DNAAF6: variants seen among roughly 807,000 people sequenced by gnomAD.
The protein encoded by DNAAF6 is PIH1 domain containing 3.
In DNAAF6, 3 loss-of-function variants were observed where a neutral mutation model predicts 13.7. That is an observed-to-expected ratio of 0.22 (90% CI 0.10 to 0.56). DNAAF6 has a LOEUF of 0.56. Among genes scored for constraint, DNAAF6 ranks in the 20% least tolerant of loss-of-function variants. DNAAF6 has a pLI of 0.92. For synonymous variants in DNAAF6, 54 were observed against 49.2 expected (o/e 1.10, Z -0.41); for missense variants, 130 against 151.0 (o/e 0.86, Z 0.73).
chrX:107,226,975 C>T (rs929843111), intron 5 of DNAAF6, among the ~76,000 whole-genome samples: 1 of 112,110 alleles, frequency 8.9e-6, no homozygotes. Flanking sequence ...ACATATTTAT[C>T]TCAGAAAGTG....
At chrX:107,232,733 T>TTTG (rs1013522065) in intron 5 of DNAAF6, among the ~76,000 whole-genome samples, 30 of 109,729 alleles carry the variant, frequency 2.7e-4, no homozygotes, top group Middle Eastern at 4.7e-3. Context: ...TAGAAAGGGT[T>TTTG]TTGTTGTTGT....
intron 5 of DNAAF6, among the ~76,000 whole-genome samples, chrX:107,230,464 C>T (rs1037522784): frequency 2.7e-5 from 3 of 111,455 alleles, no homozygotes; most frequent in African/African-American, 9.8e-5. Context: ...GGGTGGATCA[C>T]CTGAGATCAG....
At chrX:107,222,152 A>T (rs1928160478) in intron 4 of DNAAF6, among the ~76,000 whole-genome samples, 1 of 111,038 alleles carries the variant, frequency 9.0e-6, no homozygotes, top group Non-Finnish European at 1.9e-5. Context: ...AGCTGTGCTG[A>T]CTACATTACC....
chrX:107,222,998 A>C (rs1423534060), intron 5 of DNAAF6, among the ~76,000 whole-genome samples, 157 bp downstream of exon 5: 4 of 112,303 alleles, frequency 3.6e-5, no homozygotes. Context: ...AGACAGTTTA[A>C]AATTGTTAAC....
chrX:107,218,992 T>C (rs764256526), intron 4 of DNAAF6, 23 bp downstream of exon 4: 26 of 1,151,886 alleles, frequency 2.3e-5, no homozygotes, highest in African/African-American at 3.7e-5. Flanking sequence ...AAGCCAGGAA[T>C]GTCTTTAGGA....
chrX:107,214,465 C>A (rs1927930261), intron 2 of DNAAF6, among the ~76,000 whole-genome samples: 1 of 111,346 alleles, frequency 9.0e-6, no homozygotes, highest in African/African-American at 3.3e-5. Context: ...GAGCCTATTC[C>A]ATTTGGTGTT....
intron 5 of DNAAF6, among the ~76,000 whole-genome samples, chrX:107,225,074 C>T (rs1419466120): frequency 9.3e-6 from 1 of 108,083 alleles, no homozygotes; most frequent in African/African-American, 3.3e-5. Flanking sequence ...GGTATCCAGG[C>T]ATGAAATAGC....
chrX:107,236,349 G>A (rs991138932), intron 5 of DNAAF6, among the ~76,000 whole-genome samples: 32 of 112,015 alleles, frequency 2.9e-4, no homozygotes, highest in Admixed American at 2.5e-3. Flanking sequence ...TTTGGTCAGT[G>A]ACATCATCCT....
intron 5 of DNAAF6, among the ~76,000 whole-genome samples, chrX:107,225,619 T>A (rs957697044): frequency 9.0e-6 from 1 of 110,934 alleles, no homozygotes; most frequent in Non-Finnish European, 1.9e-5. Flanking sequence ...GCAATAGGAG[T>A]ACAATCTGTT....
chrX:107,243,484 C>T lies in DNAAF6; in HGVS notation c.*186C>T. On this transcript the variant is annotated 3_prime_UTR_variant, in exon 7 of 7. Transcript: ENST00000372453. ...TATTACTCTGTTAGGAAATATGTTTCCTTGGCCAGGTGCAATGGCTCATGC... is the reference window on the plus strand; with the variant it reads ...TATTACTCTGTTAGGAAATATGTTTTCTTGGCCAGGTGCAATGGCTCATGC... 1.7e-6 allele frequency: 1 copy of T among 577,113 alleles called. No homozygotes were observed. Among genetic ancestry groups the T allele is most frequent in the Non-Finnish European group, 2.4e-6 (1 of 413,222 alleles). The allele number at this position is 577,113 out of a possible 1,213,427, so 47.6% of individuals were successfully genotyped here.
At chrX:107,228,208 A>C (rs938615736) in intron 5 of DNAAF6, among the ~76,000 whole-genome samples, 1 of 112,080 alleles carries the variant, frequency 8.9e-6, no homozygotes, top group Admixed American at 9.5e-5. Flanking sequence ...ATTAGGATGC[A>C]GAAAGAACTT....
At position 107,239,020 on chromosome X, in the gene DNAAF6, T is replaced by G. The variant is rs762716536; in HGVS notation, c.515+13T>G. The G allele has an allele frequency of 8.4e-7, 1 of 1,195,939 alleles. No homozygotes were observed. Among genetic ancestry groups the G allele is most frequent in the Non-Finnish European group, 1.1e-6 (1 of 890,750 alleles). ...GTACTCCTCAGAAGTGAGTAAAACT[T>G]AGAACTGGAATAGTGTATTATAATA... On this transcript the variant is annotated intron_variant, in intron 6 of 6. Transcript: ENST00000372453.
chrX:107,243,124 C>T (rs1308365909), intron 6 of DNAAF6, 45 bp from the exon 7 acceptor site: 2 of 1,167,095 alleles, frequency 1.7e-6, no homozygotes, highest in Non-Finnish European at 2.3e-6. Flanking sequence ...GAAAGTGATA[C>T]ATCATTTTAG....
intron 2 of DNAAF6, among the ~76,000 whole-genome samples, chrX:107,213,556 A>G (rs1217485756): frequency 8.9e-6 from 1 of 111,917 alleles, no homozygotes; most frequent in Non-Finnish European, 1.9e-5. Flanking sequence ...TGTGGAGTCT[A>G]ATTAGTTGAG....
At chrX:107,216,262 C>T (rs187370146) in intron 2 of DNAAF6, among the ~76,000 whole-genome samples, 97 of 111,648 alleles carry the variant, frequency 8.7e-4, no homozygotes, top group African/African-American at 3.0e-3. Flanking sequence ...TTCTATAAAA[C>T]TTTCACATAC....
intron 4 of DNAAF6, among the ~76,000 whole-genome samples, chrX:107,219,800 ATT>A (rs546631583): frequency 2.0e-5 from 2 of 99,328 alleles, no homozygotes; most frequent in Non-Finnish European, 2.0e-5. Flanking sequence ...ACTATCCAGT[ATT>A]TTTTTTTTTT....
intron 3 of DNAAF6, among the ~76,000 whole-genome samples, chrX:107,217,210 TG>T (rs1569372207): frequency 8.9e-6 from 1 of 111,878 alleles, no homozygotes; most frequent in African/African-American, 3.2e-5. Context: ...CCACATTCCT[TG>T]CATATTTTCT....
At chrX:107,207,214 T>C (rs1927725370) in intron 1 of DNAAF6, 1 of 110,965 alleles carries the variant, frequency 9.0e-6, no homozygotes, top group Admixed American at 9.6e-5. Context: ...CACTTCAGAC[T>C]GAAAAAAAAA....
chrX:107,239,536 T>A (rs1016521127), intron 6 of DNAAF6, among the ~76,000 whole-genome samples: 16 of 111,692 alleles, frequency 1.4e-4, no homozygotes, highest in African/African-American at 5.2e-4. Flanking sequence ...GTCCTAACTC[T>A]GTAACTCATG....
Sources: allele counts gnomAD v4.1 joint callset (sites outside exome capture counted in the v4.1 genomes callset), GRCh38; gene constraint gnomAD v4.1.1; transcripts MANE v1.5; gene names NCBI Gene and HGNC (gene_info 2026-07-23, HGNC 2026-07-21).